C9orf72: variants seen among roughly 807,000 people sequenced by gnomAD.
The protein encoded by C9orf72 is guanine nucleotide exchange factor C9orf72.
Under a neutral mutation model 51.6 loss-of-function variants are expected in C9orf72, and 44 were observed. The observed-to-expected ratio is 0.85, with a 90% CI of 0.67 to 1.10. The LOEUF (loss-of-function observed/expected upper bound fraction) is 1.10. Ranked by LOEUF, C9orf72 falls within the 50% of genes least tolerant of loss-of-function variation. C9orf72 has a pLI of 0.00. For missense variants in C9orf72, 607 were observed against 570.6 expected (o/e 1.06, Z -0.65); for synonymous variants, 213 against 194.2 (o/e 1.10, Z -0.81).
Position 27,556,351 on chromosome 9 carries a change from G to A in C9orf72, c.1091+210C>T, listed in dbSNP as rs148431105. ...ACAAATAGTTAAATATTTACTTTAA[G>A]GGTTAATCTTACCTATTTTAGGGTA... On this transcript the variant is annotated intron_variant, in intron 8 of 10. Transcript: ENST00000380003. 4.4e-4 allele frequency: 256 copies of A among 579,132 alleles called. 3 individuals are homozygous for A. The highest frequency in any genetic ancestry group is 3.7e-3 in the African/African-American group (199 of 53,658). The allele number at this position is 579,132 out of a possible 1,614,324, so 35.9% of individuals were successfully genotyped here.
intron 9 of C9orf72, among the ~76,000 whole-genome samples, chr9:27,549,373 G>A (rs755893082): frequency 1.5e-4 from 23 of 152,050 alleles, no homozygotes; most frequent in Non-Finnish European, 3.2e-4. Flanking sequence ...GGTGGAGTGG[G>A]TGGGTAGGAG....
Position 27,558,490 on chromosome 9 carries a change from C to T in C9orf72, c.855+1G>A. ...TCACTTGTGATAACTAGAAACTATA[C>T]CTTTAGCAGGCCTTGTACAAAGAGC... is the stretch of plus-strand genomic sequence containing the variant. On this transcript the variant is annotated splice_donor_variant, in intron 7 of 10. Transcript: ENST00000380003. LOFTEE classifies it high-confidence loss of function. 1.3e-6 allele frequency: 2 copies of T among 1,511,656 alleles called. No homozygotes were observed. Among genetic ancestry groups the T allele is most frequent in the Non-Finnish European group, 1.8e-6 (2 of 1,099,596 alleles). The allele number at this position is 1,511,656 out of a possible 1,614,324, so 93.6% of individuals were successfully genotyped here.
At chr9:27,563,719 C>T (rs1819402903) in intron 3 of C9orf72, among the ~76,000 whole-genome samples, 2 of 151,902 alleles carry the variant, frequency 1.3e-5, no homozygotes, top group Non-Finnish European at 2.9e-5. Flanking sequence ...AAGCCATATG[C>T]CCATTTGCAT....
intron 3 of C9orf72, among the ~76,000 whole-genome samples, chr9:27,562,863 G>A (rs775380107): frequency 6.6e-6 from 1 of 151,904 alleles, no homozygotes; most frequent in East Asian, 1.9e-4. Context: ...TAGAGACGGG[G>A]TTTCGCCATG....
intron 3 of C9orf72, 121 bp from the exon 4 acceptor site, chr9:27,562,597 C>A: frequency 2.2e-6 from 1 of 461,818 alleles, no homozygotes; most frequent in South Asian, 4.4e-5. Context: ...GTAATTTGTT[C>A]AAACACAGTA....
rs547699851 is a variant in C9orf72, at chr9:27,550,801, A to G, written c.1092-94T>C. 5.2e-6 allele frequency: 3 copies of G among 572,252 alleles called. No homozygotes were observed. The Admixed American group carries it at 1.0e-4, about 19-fold the overall frequency. The allele number at this position is 572,252 out of a possible 1,614,324, so 35.4% of individuals were successfully genotyped here. ...TCCACAATCCCTCACTTGAGCCAAC[A>G]TTTTAAGTTCTTATAAATTGATATT... On this transcript the variant is annotated intron_variant, in intron 8 of 10. Coordinates refer to ENST00000380003, the MANE Select transcript of C9orf72 (RefSeq NM_018325.5).
At chr9:27,554,674 T>C (rs1257278334) in intron 8 of C9orf72, 4 of 398,322 alleles carry the variant, frequency 1.0e-5, no homozygotes, top group Non-Finnish European at 1.3e-5. Context: ...TTTTCATGTA[T>C]TGGCAGTGAC....
At chr9:27,565,763 T>C (rs571950866) in intron 2 of C9orf72, among the ~76,000 whole-genome samples, 173 bp from the exon 3 acceptor site, 1 of 152,096 alleles carries the variant, frequency 6.6e-6, no homozygotes, top group South Asian at 2.1e-4. Flanking sequence ...CATGTTCTCA[T>C]AAACAATACA....
intron 2 of C9orf72, among the ~76,000 whole-genome samples, chr9:27,566,391 T>C (rs1819466998): frequency 6.6e-6 from 1 of 152,012 alleles, no homozygotes; most frequent in African/African-American, 2.4e-5. Context: ...GGTATTAGAG[T>C]CAAAGGCTCC....
At chr9:27,551,539 GA>G (rs1820909111) in intron 8 of C9orf72, among the ~76,000 whole-genome samples, 1 of 152,120 alleles carries the variant, frequency 6.6e-6, no homozygotes, top group Non-Finnish European at 1.5e-5. Context: ...TACCTGACCA[GA>G]GTGGCAAAAA....
chr9:27,548,869 G>A (rs146715639), intron 9 of C9orf72, among the ~76,000 whole-genome samples: 6 of 149,638 alleles, frequency 4.0e-5, no homozygotes, highest in East Asian at 1.9e-4. Flanking sequence ...TTTTTGAGAC[G>A]GAGTCTAGCT....
intron 10 of C9orf72, 29 bp downstream of exon 10, chr9:27,548,527 GT>G (rs902104051): frequency 1.2e-5 from 18 of 1,504,692 alleles, no homozygotes; most frequent in Non-Finnish European, 1.6e-5. Flanking sequence ...ATGTACAAAG[GT>G]TTTTCTTCCG....
intron 1 of C9orf72, among the ~76,000 whole-genome samples, chr9:27,571,972 C>T (rs981573532): frequency 6.6e-6 from 1 of 152,178 alleles, no homozygotes; most frequent in Non-Finnish European, 1.5e-5. Context: ...TCTCACAGTT[C>T]CAAGTTTCTC....
chr9:27,560,726 A>G, intron 5 of C9orf72: 1 of 986,296 alleles, frequency 1.0e-6, no homozygotes. Flanking sequence ...AAACACACTC[A>G]TGCCTCTGAT....
intron 8 of C9orf72, among the ~76,000 whole-genome samples, chr9:27,554,197 C>T (rs1374578940): frequency 6.6e-6 from 1 of 152,102 alleles, no homozygotes; most frequent in East Asian, 1.9e-4. Flanking sequence ...ATTTTTCTAC[C>T]ATAAAGACAC....
intron 6 of C9orf72, 82 bp downstream of exon 6, chr9:27,560,145 A>C (rs1819303387): frequency 8.9e-6 from 8 of 898,856 alleles, no homozygotes; most frequent in Non-Finnish European, 1.3e-5. Flanking sequence ...TTTTAATTGC[A>C]ACCTACCATT....
intron 4 of C9orf72, among the ~76,000 whole-genome samples, chr9:27,562,116 G>C (rs527281526): frequency 6.6e-6 from 1 of 152,116 alleles, no homozygotes; most frequent in Non-Finnish European, 1.5e-5. Flanking sequence ...TATAAGAGCT[G>C]GGATCCTCCC....
In C9orf72 at chr9:27,546,621, A is replaced by G; in HGVS notation, c.*1615T>C. The G allele has an allele frequency of 6.6e-6, 1 of 152,214 alleles. No homozygotes were observed. Among genetic ancestry groups the G allele is most frequent in the East Asian group, 1.9e-4 (1 of 5,198 alleles). The allele number at this position is 152,214 out of a possible 1,614,324, so 9.4% of individuals were successfully genotyped here. Reference sequence around the variant, plus strand: ...TATAACAATGTTTACACATGCTTTAATAACTTATTTCACTGTACAACTTAC... The same window carrying G: ...TATAACAATGTTTACACATGCTTTAGTAACTTATTTCACTGTACAACTTAC... On this transcript the variant is annotated 3_prime_UTR_variant, in exon 11 of 11. Transcript: ENST00000380003.
chr9:27,551,602 A>G (rs973099588), intron 8 of C9orf72, among the ~76,000 whole-genome samples: 1 of 152,244 alleles, frequency 6.6e-6, no homozygotes, highest in Non-Finnish European at 1.5e-5. Flanking sequence ...AAGTTTCCTT[A>G]TCTTAAGAAA....
Sources: allele counts gnomAD v4.1 joint callset (sites outside exome capture counted in the v4.1 genomes callset), GRCh38; gene constraint gnomAD v4.1.1; transcripts MANE v1.5; gene names NCBI Gene and HGNC (gene_info 2026-07-23, HGNC 2026-07-21).